Variants in KAZN observed in about 807,000 individuals in gnomAD.
The protein encoded by KAZN is kazrin, periplakin interacting protein.
In KAZN, 40 loss-of-function variants were observed where a neutral mutation model predicts 87.4. That is an observed-to-expected ratio of 0.46 (90% confidence interval 0.36 to 0.60). KAZN has a LOEUF of 0.60. Among genes scored for constraint, KAZN ranks in the 20% least tolerant of loss-of-function variants. The pLI, the probability that KAZN is intolerant of heterozygous loss-of-function variation, is 0.00. For missense variants in KAZN, 898 were observed against 1,073.9 expected (o/e 0.84, Z 2.29); for synonymous variants, 466 against 458.3 (o/e 1.02, Z -0.22).
At chr1:15,107,495 CTGGCTGTGTGACCCTGGG>C (rs1641336121) in intron 13 of KAZN, among the ~76,000 whole-genome samples, 1 of 152,196 alleles carries the variant, frequency 6.6e-6, no homozygotes, top group South Asian at 2.1e-4. Context: ...AGCACCAATC[CTGGCTGTGTGACCCTGGG>C]CAAGTTACTT....
chr1:14,925,845 C>A (rs140467866), intron 1 of KAZN, among the ~76,000 whole-genome samples: 178 of 152,316 alleles, frequency 1.2e-3, no homozygotes, highest in Middle Eastern at 3.4e-3. Context: ...CCTTTTCCCA[C>A]CTTCTCCCCA....
intron 13 of KAZN, among the ~76,000 whole-genome samples, chr1:15,110,169 GTGTGTATATGTGTGT>G (rs1352550383): frequency 2.1e-5 from 3 of 144,872 alleles, no homozygotes; most frequent in Admixed American, 7.2e-5. Flanking sequence ...ATGTGTTTGT[GTGTGTATATGTGTGT>G]TGTGTATGTG....
intron 1 of KAZN, among the ~76,000 whole-genome samples, chr1:14,009,971 C>T (rs960543470): frequency 6.6e-6 from 1 of 152,120 alleles, no homozygotes. Flanking sequence ...CTCTCCCACT[C>T]CCCTGTTTAC....
chr1:14,573,893 A>G (rs1675021727), intron 2 of KAZN, among the ~76,000 whole-genome samples: 1 of 152,156 alleles, frequency 6.6e-6, no homozygotes, highest in African/African-American at 2.4e-5. Flanking sequence ...TAAAGAAAAA[A>G]AAGTCTTAAT....
At chr1:14,037,234 T>A (rs1173850782) in intron 1 of KAZN, among the ~76,000 whole-genome samples, 2 of 152,212 alleles carry the variant, frequency 1.3e-5, no homozygotes, top group Non-Finnish European at 2.9e-5. Context: ...TACATGGCAG[T>A]TCCTTGTTAA....
chr1:14,553,411 G>T (rs1673666464), intron 2 of KAZN, among the ~76,000 whole-genome samples: 1 of 152,174 alleles, frequency 6.6e-6, no homozygotes, highest in South Asian at 2.1e-4. Context: ...TTAAATCTTG[G>T]TAACTAATTC....
intron 3 of KAZN, among the ~76,000 whole-genome samples, chr1:15,036,366 T>TCCCCTGCCCTGCCTGCCCAGCTC (rs943659340): frequency 5.2e-5 from 2 of 38,596 alleles, no homozygotes; most frequent in Non-Finnish European, 4.9e-5. Flanking sequence ...GGCCCAGCCC[T>TCCCCTGCCCTGCCTGCCCAGCTC]CCCCTGCCCT....
chr1:15,015,398 G>A lies in KAZN; in HGVS notation c.419-19351G>A, dbSNP rs760818281. ...GATCTCCTGACCTCGTGATCCTCCCGCCTCAGCCTCCCAAAGTGTTGGGAT... is the reference window on the plus strand; with the variant it reads ...GATCTCCTGACCTCGTGATCCTCCCACCTCAGCCTCCCAAAGTGTTGGGAT... On this transcript the variant is annotated intron_variant, in intron 2 of 14. Coordinates refer to ENST00000376030, the MANE Select transcript of KAZN (RefSeq NM_201628.3). Among the ~76,000 whole-genome samples the A allele has an allele frequency of 1.2e-4, 18 of 152,172 alleles. No individual in the cohort carries two copies. The East Asian group carries it at 2.3e-3, about 20-fold the overall frequency.
intron 2 of KAZN, among the ~76,000 whole-genome samples, chr1:14,547,495 T>C (rs1673229253): frequency 6.6e-6 from 1 of 152,338 alleles, no homozygotes; most frequent in East Asian, 1.9e-4. Flanking sequence ...TCCTTTAGAC[T>C]GGAAATCATT....
At position 14,137,472 on chromosome 1, in the gene KAZN, A is replaced by G. The variant is rs150111658; in HGVS notation, c.92-42963A>G. On this transcript the variant is annotated intron_variant, in intron 1 of 16. Transcript: ENST00000636203. The stretch of plus-strand genomic sequence containing the variant: ...ACTCTGTGCCTTGAGGGCTCAACAC[A>G]TGAGCTTTGGAGCCACACTGCTTAG... 5.9e-3 allele frequency among the ~76,000 whole-genome samples: 901 copies of G among 152,276 alleles called. 10 individuals are homozygous for G. Among genetic ancestry groups the G allele is most frequent in the Non-Finnish European group, 8.7e-3 (589 of 68,034 alleles).
intron 1 of KAZN, among the ~76,000 whole-genome samples, chr1:14,116,557 C>T (rs1230505747): frequency 1.3e-5 from 2 of 152,216 alleles, no homozygotes; most frequent in Admixed American, 1.3e-4. Context: ...CAGAAGTTTG[C>T]TGCAGGGGCA....
chr1:14,278,129 C>T (rs1293714637), intron 2 of KAZN, among the ~76,000 whole-genome samples: 1 of 141,252 alleles, frequency 7.1e-6, no homozygotes, highest in African/African-American at 2.7e-5. Context: ...AAGATCGCGC[C>T]ACTGCACTCC....
At chr1:15,050,164 A>AGAATG (rs770431753) in intron 4 of KAZN, among the ~76,000 whole-genome samples, 4 of 68,922 alleles carry the variant, frequency 5.8e-5, no homozygotes, top group Non-Finnish European at 1.0e-4. Context: ...AGAATGGAAT[A>AGAATG]GAATAGAATA....
intron 2 of KAZN, among the ~76,000 whole-genome samples, chr1:14,327,400 C>T (rs1656513683): frequency 6.6e-6 from 1 of 152,072 alleles, no homozygotes; most frequent in African/African-American, 2.4e-5. Context: ...TTTCTGAAGC[C>T]CCTACCTGGA....
At chr1:14,463,673 T>G (rs1667967002) in intron 2 of KAZN, among the ~76,000 whole-genome samples, 1 of 152,198 alleles carries the variant, frequency 6.6e-6, no homozygotes, top group African/African-American at 2.4e-5. Context: ...AATCAATTAC[T>G]GTGGCTTCTA....
At chr1:14,017,029 G>C (rs1196730935) in intron 1 of KAZN, among the ~76,000 whole-genome samples, 1 of 152,182 alleles carries the variant, frequency 6.6e-6, no homozygotes, top group Non-Finnish European at 1.5e-5. Flanking sequence ...GTGCCTCTCT[G>C]AGATGAGTTG....
chr1:14,889,054 T>C (rs1032101788), intron 1 of KAZN, among the ~76,000 whole-genome samples: 1 of 152,206 alleles, frequency 6.6e-6, no homozygotes, highest in Admixed American at 6.5e-5. Flanking sequence ...TTAAGAAAGT[T>C]TACGAATTTG....
intron 2 of KAZN, among the ~76,000 whole-genome samples, chr1:14,338,504 A>AGAG (rs902869689): frequency 7.0e-6 from 1 of 142,248 alleles, no homozygotes; most frequent in African/African-American, 2.7e-5. Context: ...AAAAAAAAAA[A>AGAG]AGAGAGAGAG....
At position 14,990,878 on chromosome 1, in the gene KAZN, G is replaced by A. The variant is rs531662414; in HGVS notation, c.418+30003G>A. Among the ~76,000 whole-genome samples, 9 of 150,974 alleles carry A rather than the reference G, an allele frequency of 6.0e-5. No homozygotes were observed. In the South Asian group the frequency reaches 1.5e-3, roughly 25 times the overall value. On this transcript the variant is annotated intron_variant, in intron 2 of 14. Transcript: ENST00000376030. ...TGAAGTCGTACTGGAATAGGGTGAG[G>A]CCTGATCTAGTTTGCCTGATAAAAA...
Sources: gnomAD v4.1 joint callset for allele counts (sites outside exome capture counted in the v4.1 genomes callset) on GRCh38, gnomAD v4.1.1 for gene constraint, MANE v1.5 for transcripts, NCBI Gene and HGNC (gene_info 2026-07-23, HGNC 2026-07-21) for gene names.